GABRB1: variants seen among roughly 807,000 people sequenced by gnomAD.
GABRB1 encodes the protein gamma-aminobutyric acid type A receptor subunit beta1.
GABRB1 carries 17 observed loss-of-function variants against 51.6 expected under a neutral mutation model. The observed-to-expected ratio is 0.33, with a 90% CI of 0.23 to 0.49. GABRB1 has a LOEUF of 0.49. Ranked by LOEUF, GABRB1 falls within the 20% of genes least tolerant of loss-of-function variation. GABRB1 has a pLI of 0.99. For synonymous variants in GABRB1, 247 were observed against 218.9 expected (o/e 1.13, Z -1.14); for missense variants, 410 against 600.6 (o/e 0.68, Z 3.32).
At position 47,019,309 on chromosome 4, in the gene GABRB1, G is replaced by C. The variant is rs191736975; in HGVS notation, c.-19-12605G>C. Reference sequence around the variant, plus strand: ...TGTTTCTTCTTTGTCGCTCTTTCTAGTTTCTTTTTGTCTACCCTAACCTCA... The same window carrying C: ...TGTTTCTTCTTTGTCGCTCTTTCTACTTTCTTTTTGTCTACCCTAACCTCA... On this transcript the variant is annotated intron_variant, in intron 1 of 3. Transcript: ENST00000513567. Among the ~76,000 whole-genome samples the C allele has an allele frequency of 1.1e-4, 16 of 152,112 alleles. No homozygotes were observed. In the East Asian group the frequency reaches 3.1e-3, roughly 29 times the overall value.
chr4:47,244,073 A>C (rs954532360), intron 4 of GABRB1, among the ~76,000 whole-genome samples: 1 of 152,126 alleles, frequency 6.6e-6, no homozygotes, highest in East Asian at 1.9e-4. Context: ...TACCTAGTTT[A>C]TTGAGAGTTT....
At chr4:47,308,688 T>G (rs1015358805) in intron 4 of GABRB1, among the ~76,000 whole-genome samples, 4 of 152,112 alleles carry the variant, frequency 2.6e-5, no homozygotes, top group Non-Finnish European at 5.9e-5. Context: ...AGGTAGTAAC[T>G]GTGAAGGAGA....
At chr4:47,140,540 G>A (rs1279281445) in intron 3 of GABRB1, among the ~76,000 whole-genome samples, 1 of 151,904 alleles carries the variant, frequency 6.6e-6, no homozygotes, top group Non-Finnish European at 1.5e-5. Context: ...CATTTGCCAG[G>A]TATGAAGTAA....
intron 5 of GABRB1, 95 bp from the exon 6 acceptor site, chr4:47,403,223 C>T (rs1728458413): frequency 1.4e-6 from 2 of 1,384,498 alleles, no homozygotes; most frequent in Non-Finnish European, 2.0e-6. Flanking sequence ...GCCACCTTAC[C>T]ACTTTTGTGC....
intron 4 of GABRB1, among the ~76,000 whole-genome samples, chr4:47,222,308 T>C (rs139860361): frequency 1.3e-5 from 2 of 152,262 alleles, no homozygotes; most frequent in East Asian, 3.9e-4. Flanking sequence ...GAGTATCAAC[T>C]GTATGTGCCT....
At chr4:47,292,043 T>C (rs1332831279) in intron 4 of GABRB1, among the ~76,000 whole-genome samples, 2 of 152,188 alleles carry the variant, frequency 1.3e-5, no homozygotes, top group Admixed American at 1.3e-4. Context: ...TAAGGTTTGG[T>C]TTTGTCCCCA....
intron 3 of GABRB1, among the ~76,000 whole-genome samples, chr4:47,129,824 AAG>A (rs1716329311): frequency 6.6e-6 from 1 of 152,082 alleles, no homozygotes; most frequent in African/African-American, 2.4e-5. Flanking sequence ...GGGAAGAAAA[AAG>A]AGAGAATCAC....
chr4:47,389,817 A>T (rs1340339924), intron 5 of GABRB1, among the ~76,000 whole-genome samples: 1 of 152,252 alleles, frequency 6.6e-6, no homozygotes, highest in Non-Finnish European at 1.5e-5. Context: ...TTGCTACAAC[A>T]GCAGAGCTCT....
chr4:47,252,238 A>G (rs1722020987), intron 4 of GABRB1, among the ~76,000 whole-genome samples: 1 of 151,454 alleles, frequency 6.6e-6, no homozygotes, highest in African/African-American at 2.4e-5. Flanking sequence ...CTCTAAATTG[A>G]CTCAACTCCA....
At chr4:47,016,648 G>A (rs1724751635) in intron 1 of GABRB1, among the ~76,000 whole-genome samples, 1 of 151,994 alleles carries the variant, frequency 6.6e-6, no homozygotes, top group Admixed American at 6.6e-5. Context: ...GAGTGCAGTG[G>A]CACAGTCTTG....
Position 47,214,677 on chromosome 4 carries a change from C to A in GABRB1, c.461+53208C>A, listed in dbSNP as rs574971953. On this transcript the variant is annotated intron_variant, in intron 4 of 8. Transcript: ENST00000295454. ...TTAAATAAACTCATCTTTTTATTAT[C>A]AATCGAAAAATGCTTCTCCCCAAAT... Among the ~76,000 whole-genome samples, 115 of 152,180 alleles carry A rather than the reference C, an allele frequency of 7.6e-4. 1 individual carries two copies. The highest frequency in any genetic ancestry group is 2.3e-3 in the African/African-American group (95 of 41,556).
intron 5 of GABRB1, among the ~76,000 whole-genome samples, chr4:47,358,007 C>CT (rs905777644): frequency 2.6e-5 from 4 of 152,150 alleles, no homozygotes; most frequent in Non-Finnish European, 5.9e-5. Context: ...TTCAGAAACA[C>CT]TTTTCTCCTT....
At chr4:47,375,551 T>C (rs542924442) in intron 5 of GABRB1, among the ~76,000 whole-genome samples, 2 of 152,334 alleles carry the variant, frequency 1.3e-5, no homozygotes, top group South Asian at 2.1e-4. Flanking sequence ...GGTGGGGAGA[T>C]GCGTTCTGCT....
intron 3 of GABRB1, among the ~76,000 whole-genome samples, chr4:47,108,158 T>C (rs976036807): frequency 2.6e-5 from 4 of 152,028 alleles, no homozygotes; most frequent in African/African-American, 7.2e-5. Context: ...ACAATCGGAA[T>C]CCCTCAGATG....
At position 47,035,103 on chromosome 4, in the gene GABRB1, T is replaced by C. The variant is rs145846293; in HGVS notation, c.240+2619T>C. ...TTTTATTTATTACCATTATTACCCA[T>C]TCCATGGCTGGGAAAATGACATAAT... On this transcript the variant is annotated intron_variant, in intron 3 of 8. Coordinates refer to ENST00000295454, the MANE Select transcript of GABRB1 (RefSeq NM_000812.4). Among the ~76,000 whole-genome samples the C allele has an allele frequency of 2.4e-4, 37 of 152,250 alleles. 1 individual carries two copies. Among genetic ancestry groups the C allele is most frequent in the African/African-American group, 8.9e-4 (37 of 41,566 alleles).
At chr4:47,007,148 A>G (rs996818106) in intron 1 of GABRB1, among the ~76,000 whole-genome samples, 4 of 151,946 alleles carry the variant, frequency 2.6e-5, no homozygotes, top group Admixed American at 2.0e-4. Flanking sequence ...TGGATAAAAA[A>G]AAAAAGAAAA....
intron 5 of GABRB1, among the ~76,000 whole-genome samples, chr4:47,376,443 G>A (rs900429626): frequency 6.6e-6 from 1 of 152,080 alleles, no homozygotes; most frequent in African/African-American, 2.4e-5. Context: ...TCAGGAGATC[G>A]AGACCATCCT....
At chr4:47,246,244 T>C (rs949511367) in intron 4 of GABRB1, among the ~76,000 whole-genome samples, 14 of 139,610 alleles carry the variant, frequency 1.0e-4, no homozygotes, top group Admixed American at 7.5e-5. Context: ...ATGGCTTTAA[T>C]TCATTCCTTC....
chr4:47,203,508 G>T (rs969088951), intron 4 of GABRB1, among the ~76,000 whole-genome samples: 2 of 152,092 alleles, frequency 1.3e-5, no homozygotes, highest in Non-Finnish European at 2.9e-5. Context: ...ATAGAGTAGG[G>T]GTAGTAGGAT....
Sources: gnomAD v4.1 joint callset for allele counts (sites outside exome capture counted in the v4.1 genomes callset) on GRCh38, gnomAD v4.1.1 for gene constraint, MANE v1.5 for transcripts, NCBI Gene and HGNC (gene_info 2026-07-23, HGNC 2026-07-21) for gene names.